The following FRMD3 variants were observed in gnomAD, a reference collection of about 807,000 sequenced individuals.
FRMD3 encodes the protein FERM domain containing 3.
Under a neutral mutation model 70.2 loss-of-function variants are expected in FRMD3, and 33 were observed. That is an observed-to-expected ratio of 0.47 (90% CI 0.36 to 0.63). The LOEUF is 0.63. Ranked by LOEUF, FRMD3 falls within the 20% of genes least tolerant of loss-of-function variation. The probability of loss-of-function intolerance (pLI) is 0.00; values close to 1 mark genes in which losing one functional copy is unlikely to be tolerated. For missense variants in FRMD3, 632 were observed against 711.4 expected, an observed-to-expected ratio of 0.89 and a Z score of 1.27; for synonymous variants, 279 against 255.9, an observed-to-expected ratio of 1.09 and a Z score of -0.86.
At chr9:83,327,066 G>A (rs2131109903) in intron 6 of FRMD3, among the ~76,000 whole-genome samples, 1 of 152,338 alleles carries the variant, frequency 6.6e-6, no homozygotes, top group East Asian at 1.9e-4. Context: ...GATCTTGCCA[G>A]CAATGAGCTG....
At chr9:83,572,882 T>C in the FRMD3 span, among the ~76,000 whole-genome samples, 3 of 152,230 alleles carry the variant, frequency 2.0e-5, no homozygotes, top group Admixed American at 6.5e-5. Flanking sequence ...AAAAATACTT[T>C]CTACATTTAT....
At chr9:83,572,667 G>A in the FRMD3 span, among the ~76,000 whole-genome samples, 11 of 152,292 alleles carry the variant, frequency 7.2e-5, no homozygotes, top group East Asian at 2.1e-3. Context: ...GGAAGTGAAA[G>A]TGAGACAGGC....
chr9:83,320,940 T>C (rs1835778375), intron 6 of FRMD3, among the ~76,000 whole-genome samples: 2 of 152,296 alleles, frequency 1.3e-5, no homozygotes, highest in Admixed American at 6.5e-5. Context: ...CTGGAATTTA[T>C]ACATTTCCTC....
At chr9:83,557,173 T>C in the FRMD3 span, among the ~76,000 whole-genome samples, 1 of 152,336 alleles carries the variant, frequency 6.6e-6, no homozygotes, top group African/African-American at 2.4e-5. Flanking sequence ...GTCTCAAATT[T>C]TGATTTATCT....
intron 1 of FRMD3, among the ~76,000 whole-genome samples, chr9:83,421,157 G>A (rs943080050): frequency 9.9e-5 from 15 of 151,144 alleles, no homozygotes; most frequent in Non-Finnish European, 1.3e-4. Flanking sequence ...AGCCAGGATG[G>A]TCTCGATCTC....
At chr9:83,344,416 C>G (rs1466566820) in intron 4 of FRMD3, among the ~76,000 whole-genome samples, 1 of 152,152 alleles carries the variant, frequency 6.6e-6, no homozygotes, top group Non-Finnish European at 1.5e-5. Context: ...TCTGGTTCAA[C>G]ATTTTTTCTG....
chr9:83,464,391 G>A (rs1276007899), intron 1 of FRMD3, among the ~76,000 whole-genome samples: 2 of 152,068 alleles, frequency 1.3e-5, no homozygotes, highest in African/African-American at 2.4e-5. Flanking sequence ...CTATCCCAAG[G>A]GGGCCAGCTA....
At chr9:83,565,734 A>G in the FRMD3 span, among the ~76,000 whole-genome samples, 2 of 152,242 alleles carry the variant, frequency 1.3e-5, no homozygotes, top group Non-Finnish European at 2.9e-5. Flanking sequence ...TGTCCTTCCA[A>G]ATAAAAATAA....
At chr9:83,430,036 T>G (rs1309792689) in intron 1 of FRMD3, among the ~76,000 whole-genome samples, 1 of 152,152 alleles carries the variant, frequency 6.6e-6, no homozygotes, top group Non-Finnish European at 1.5e-5. Context: ...ACTCCTTTGT[T>G]CCCCCATCAC....
At chr9:83,348,074 T>C (rs1824020342) in intron 4 of FRMD3, among the ~76,000 whole-genome samples, 1 of 152,184 alleles carries the variant, frequency 6.6e-6, no homozygotes, top group African/African-American at 2.4e-5. Flanking sequence ...CAACAAAATG[T>C]CCATCCTTAA....
At chr9:83,526,886 T>C (rs1461411522) in intron 1 of FRMD3, among the ~76,000 whole-genome samples, 1 of 152,088 alleles carries the variant, frequency 6.6e-6, no homozygotes, top group Non-Finnish European at 1.5e-5. Context: ...TCTTTTTTTT[T>C]TTTTTTCTTT....
At chr9:83,464,913 G>A (rs573528262) in intron 1 of FRMD3, among the ~76,000 whole-genome samples, 13 of 144,284 alleles carry the variant, frequency 9.0e-5, no homozygotes, top group Non-Finnish European at 1.7e-4. Context: ...CCAGCGACTC[G>A]GGAGGCTGAG....
the FRMD3 span, among the ~76,000 whole-genome samples, chr9:83,571,046 G>C: frequency 1.3e-5 from 2 of 152,212 alleles, no homozygotes; most frequent in East Asian, 3.9e-4. Flanking sequence ...ATATGGACTA[G>C]TGGGAGGTCT....
At chr9:83,451,767 C>A (rs72746808) in intron 1 of FRMD3, among the ~76,000 whole-genome samples, 3,936 of 152,210 alleles carry the variant, frequency 0.026, 74 homozygotes, top group Non-Finnish European at 0.039. Context: ...AGAACTTGGT[C>A]GCTTCTCTGC....
intron 1 of FRMD3, among the ~76,000 whole-genome samples, chr9:83,510,448 T>C (rs568305191): frequency 1.6e-4 from 25 of 152,320 alleles, no homozygotes; most frequent in African/African-American, 5.5e-4. Context: ...ATGGTGCAGC[T>C]GCTCTAGAAA....
intron 5 of FRMD3, among the ~76,000 whole-genome samples, chr9:83,342,857 A>G (rs1823819724): frequency 6.6e-6 from 1 of 152,182 alleles, no homozygotes; most frequent in Admixed American, 6.5e-5. Context: ...AACTGAGAAC[A>G]TACAATACCC....
chr9:83,246,057 C>T lies in FRMD3; in HGVS notation c.*1861G>A, dbSNP rs758809124. On this transcript the variant is annotated 3_prime_UTR_variant, in exon 14 of 14. Coordinates refer to ENST00000304195, the MANE Select transcript of FRMD3 (RefSeq NM_174938.6). ...GTCATTTGCTCGACTGCAGGCTTCACGAACTGAGTTTCAAAACTCATTTCC... is the reference window on the plus strand; with the variant it reads ...GTCATTTGCTCGACTGCAGGCTTCATGAACTGAGTTTCAAAACTCATTTCC... 9 of 985,202 alleles carry T rather than the reference C, an allele frequency of 9.1e-6. No homozygotes were observed. The highest frequency in any genetic ancestry group is 5.2e-4 in the Middle Eastern group (1 of 1,936). 61.0% of individuals were successfully genotyped at this position (985,202 alleles called of 1,614,324 possible).
chr9:83,484,023 C>A (rs1460523761), intron 1 of FRMD3, among the ~76,000 whole-genome samples: 1 of 152,186 alleles, frequency 6.6e-6, no homozygotes, highest in South Asian at 2.1e-4. Context: ...TTGCTCAATT[C>A]TTCTCACTGA....
At chr9:83,400,538 C>G (rs1015573725) in intron 1 of FRMD3, among the ~76,000 whole-genome samples, 1 of 152,162 alleles carries the variant, frequency 6.6e-6, no homozygotes, top group African/African-American at 2.4e-5. Flanking sequence ...CAGTCAGATT[C>G]TGATGTTTTG....
Sources: allele counts gnomAD v4.1 joint callset (sites outside exome capture counted in the v4.1 genomes callset), GRCh38; gene constraint gnomAD v4.1.1; transcripts MANE v1.5; gene names NCBI Gene and HGNC (gene_info 2026-07-23, HGNC 2026-07-21).